The following SOAT1 variants were observed in gnomAD, a reference collection of about 807,000 sequenced individuals.
SOAT1 encodes acyl-coenzyme A:cholesterol acyltransferase 1.
Under a neutral mutation model 69.5 loss-of-function variants are expected in SOAT1, and 55 were observed. That is an observed-to-expected ratio of 0.79 (90% CI 0.64 to 0.99). The LOEUF is 0.99. SOAT1 is among the 50% of genes least tolerant of loss of function. The probability of loss-of-function intolerance (pLI) is 0.00; values close to 1 mark genes in which losing one functional copy is unlikely to be tolerated. For missense variants in SOAT1, 580 were observed against 669.3 expected (o/e 0.87, Z 1.47); for synonymous variants, 231 against 224.7 (o/e 1.03, Z -0.25).
At chr1:179,313,984 A>G (rs566241391) in intron 2 of SOAT1, among the ~76,000 whole-genome samples, 20 of 152,218 alleles carry the variant, frequency 1.3e-4, no homozygotes, top group Non-Finnish European at 2.1e-4. Flanking sequence ...ATTAAATACA[A>G]TATTGTCAAG....
chr1:179,325,123 C>T (rs1665736555), intron 3 of SOAT1, among the ~76,000 whole-genome samples: 1 of 143,092 alleles, frequency 7.0e-6, no homozygotes, highest in Non-Finnish European at 1.5e-5. Flanking sequence ...TTTTAAACAT[C>T]TATTCTTGCA....
At chr1:179,351,565 A>ATT in intron 15 of SOAT1, 103 bp downstream of exon 15, 1 of 1,060,148 alleles carries the variant, frequency 9.4e-7, no homozygotes, top group East Asian at 2.4e-5. Flanking sequence ...ATTATGATGA[A>ATT]TTAGTGTTAA....
At chr1:179,334,671 G>A (rs1267168721) in intron 3 of SOAT1, among the ~76,000 whole-genome samples, 5 of 152,114 alleles carry the variant, frequency 3.3e-5, no homozygotes, top group South Asian at 2.1e-4. Flanking sequence ...ATTCTGTACC[G>A]TCTGAGGTGT....
At chr1:179,332,611 G>A (rs1374208674) in intron 3 of SOAT1, among the ~76,000 whole-genome samples, 1 of 152,050 alleles carries the variant, frequency 6.6e-6, no homozygotes, top group African/African-American at 2.4e-5. Context: ...AGGGCTGTCA[G>A]AGTCCACTGG....
intron 15 of SOAT1, 132 bp downstream of exon 15, chr1:179,351,594 T>C (rs1666735739): frequency 2.6e-6 from 2 of 777,182 alleles, no homozygotes; most frequent in Admixed American, 5.4e-5. Flanking sequence ...AAATGAGGAG[T>C]AAAAGCATTA....
intron 2 of SOAT1, among the ~76,000 whole-genome samples, chr1:179,303,576 A>G (rs1202885863): frequency 6.6e-6 from 1 of 152,232 alleles, no homozygotes; most frequent in Non-Finnish European, 1.5e-5. Context: ...CTTTTCATAA[A>G]GAAACAGTTT....
chr1:179,349,346 T>TTGA (rs57282322), intron 13 of SOAT1, among the ~76,000 whole-genome samples: 11 of 146,530 alleles, frequency 7.5e-5, no homozygotes, highest in African/African-American at 2.8e-4. Context: ...TTTTTTTTTT[T>TTGA]GAGAGAGTTT....
At position 179,302,813 on chromosome 1, in the gene SOAT1, A is replaced by ATTT; in HGVS notation, c.118+21_118+23dup. ...AGACACCTAGTAATGGTGAGGCTTA[A>ATTT]TTTTTTTTTTTTAGGTGAATTAGTG... On this transcript the variant is annotated intron_variant, in intron 2 of 15. Transcript: ENST00000367619. 14 of 1,230,646 alleles carry ATTT rather than the reference A, an allele frequency of 1.1e-5. No homozygotes were observed. Among genetic ancestry groups the ATTT allele is most frequent in the South Asian group, 3.1e-5 (2 of 63,714 alleles). 76.2% of individuals were successfully genotyped at this position (1,230,646 alleles called of 1,614,324 possible). A position where few individuals can be genotyped will look rare whatever the true frequency, so the allele number is the denominator to read the frequency against.
At chr1:179,296,446 A>G (rs1008687278) in intron 1 of SOAT1, among the ~76,000 whole-genome samples, 11 of 152,206 alleles carry the variant, frequency 7.2e-5, no homozygotes, top group African/African-American at 2.7e-4. Context: ...AGTTTTTAAC[A>G]AAGACCAGCC....
intron 3 of SOAT1, among the ~76,000 whole-genome samples, chr1:179,329,060 A>AG (rs1665883849): frequency 6.6e-6 from 1 of 151,548 alleles, no homozygotes; most frequent in Admixed American, 6.6e-5. Flanking sequence ...AAAAAAAAAA[A>AG]AAATTGTTGC....
In SOAT1 at chr1:179,351,021, C is replaced by CTTTTT. The variant is rs201449849; in HGVS notation, c.1451-261_1451-257dup. ...TGTTTTGATACCTGTATATTTCTTT[C>CTTTTT]TTTTTTTTTTTTTTTTTTTTTTTTT... On this transcript the variant is annotated intron_variant, in intron 14 of 15. Coordinates refer to ENST00000367619, the MANE Select transcript of SOAT1 (RefSeq NM_003101.6). 7.4e-4 allele frequency among the ~76,000 whole-genome samples: 94 copies of CTTTTT among 127,514 alleles called. 2 individuals carry two copies. The highest frequency in any genetic ancestry group is 9.3e-4 in the Non-Finnish European group (56 of 60,078). 83.7% of individuals were successfully genotyped at this position (127,514 alleles called of 152,430 possible).
At chr1:179,333,745 A>T (rs1376430039) in intron 3 of SOAT1, among the ~76,000 whole-genome samples, 1 of 151,452 alleles carries the variant, frequency 6.6e-6, no homozygotes, top group Non-Finnish European at 1.5e-5. Flanking sequence ...AGGCAAGAGA[A>T]TTGCTTGAAC....
intron 2 of SOAT1, among the ~76,000 whole-genome samples, chr1:179,316,177 C>T (rs1261485176): frequency 1.3e-5 from 2 of 152,066 alleles, no homozygotes; most frequent in Non-Finnish European, 2.9e-5. Flanking sequence ...TCCTCAAAGC[C>T]CTTGTTATTA....
At chr1:179,325,777 G>A (rs1376831770) in intron 3 of SOAT1, among the ~76,000 whole-genome samples, 1 of 152,044 alleles carries the variant, frequency 6.6e-6, no homozygotes, top group African/African-American at 2.4e-5. Context: ...GGGGGAAAGG[G>A]GTAGAAAGTG....
At chr1:179,321,627 CTGTT>C (rs1272518252) in intron 2 of SOAT1, among the ~76,000 whole-genome samples, 7 of 152,176 alleles carry the variant, frequency 4.6e-5, no homozygotes, top group Non-Finnish European at 1.0e-4. Context: ...CTCCAATTGG[CTGTT>C]TGGTTGGACC....
chr1:179,294,921 AAGT>A (rs1219732714), intron 1 of SOAT1, among the ~76,000 whole-genome samples: 1 of 151,126 alleles, frequency 6.6e-6, no homozygotes, highest in East Asian at 1.9e-4. Context: ...CTCTTCCTTG[AAGT>A]AGAATTCAAT....
intron 4 of SOAT1, among the ~76,000 whole-genome samples, chr1:179,337,502 G>A (rs1244276806): frequency 6.6e-6 from 1 of 152,094 alleles, no homozygotes; most frequent in African/African-American, 2.4e-5. Context: ...AAGTCCATAG[G>A]GGCTGAGTGT....
intron 11 of SOAT1, among the ~76,000 whole-genome samples, chr1:179,347,339 C>G (rs1249562746): frequency 8.0e-6 from 1 of 125,108 alleles, no homozygotes; most frequent in Non-Finnish European, 1.6e-5. Context: ...GCCTGGGTGA[C>G]AGAGCAGGAC....
At chr1:179,304,440 G>A (rs992072776) in intron 2 of SOAT1, among the ~76,000 whole-genome samples, 2 of 152,020 alleles carry the variant, frequency 1.3e-5, no homozygotes, top group Non-Finnish European at 2.9e-5. Context: ...ACCACGTGCA[G>A]ATAATTTTGT....
Sources: gnomAD v4.1 joint callset for allele counts (sites outside exome capture counted in the v4.1 genomes callset) on GRCh38, gnomAD v4.1.1 for gene constraint, MANE v1.5 for transcripts, NCBI Gene and HGNC (gene_info 2026-07-23, HGNC 2026-07-21) for gene names.